Variants in IL1RAPL1 observed in about 807,000 individuals in gnomAD.
The protein encoded by IL1RAPL1 is interleukin-1 receptor accessory protein-like 1.
In IL1RAPL1, 3 loss-of-function variants were observed where a neutral mutation model predicts 48.4. The ratio of observed to expected loss-of-function variants is 0.06; its 90% CI spans 0.03 to 0.16. The LOEUF (loss-of-function observed/expected upper bound fraction) is 0.16, where lower values mean the gene tolerates loss of function less well. Ranked by LOEUF, IL1RAPL1 falls within the 10% of genes least tolerant of loss-of-function variation. The pLI, the probability that IL1RAPL1 is intolerant of heterozygous loss-of-function variation, is 1.00. For synonymous variants in IL1RAPL1, 185 were observed against 187.7 expected (o/e 0.99, Z 0.12); for missense variants, 349 against 530.6 (o/e 0.66, Z 3.36).
chrX:29,289,436 A>G (rs1057111799), intron 3 of IL1RAPL1, among the ~76,000 whole-genome samples: 6 of 111,932 alleles, frequency 5.4e-5, no homozygotes, highest in Admixed American at 9.5e-5. Context: ...ACCTTTGTCT[A>G]TCCCTCTGCC....
At chrX:28,872,803 G>A (rs1262826664) in intron 2 of IL1RAPL1, among the ~76,000 whole-genome samples, 1 of 112,298 alleles carries the variant, frequency 8.9e-6, no homozygotes, top group Non-Finnish European at 1.9e-5. Context: ...GCATTTTGTA[G>A]TAGAGACTTT....
intron 5 of IL1RAPL1, among the ~76,000 whole-genome samples, chrX:29,637,770 C>G (rs1925021414): frequency 9.0e-6 from 1 of 111,599 alleles, no homozygotes; most frequent in Non-Finnish European, 1.9e-5. Flanking sequence ...TTGTATCTCT[C>G]CACAGCACCT....
At chrX:29,889,050 G>A (rs1295878469) in intron 6 of IL1RAPL1, among the ~76,000 whole-genome samples, 1 of 111,546 alleles carries the variant, frequency 9.0e-6, no homozygotes, top group African/African-American at 3.3e-5. Flanking sequence ...TTTTTTAATT[G>A]TAAAAGAAAA....
intron 2 of IL1RAPL1, among the ~76,000 whole-genome samples, chrX:29,081,355 C>T (rs1927840292): frequency 9.1e-6 from 1 of 109,743 alleles, no homozygotes; most frequent in Non-Finnish European, 1.9e-5. Flanking sequence ...CGTGCCCAGA[C>T]ACACACCCAG....
chrX:28,764,809 A>G (rs912091703), intron 1 of IL1RAPL1, among the ~76,000 whole-genome samples: 3 of 109,090 alleles, frequency 2.8e-5, no homozygotes, highest in African/African-American at 1.0e-4. Context: ...ATAAACACAC[A>G]TGCACGCAAA....
chrX:29,514,596 G>T (rs376740131), intron 5 of IL1RAPL1, among the ~76,000 whole-genome samples: 2 of 111,572 alleles, frequency 1.8e-5, no homozygotes, highest in African/African-American at 6.5e-5. Flanking sequence ...TCACAGGTGC[G>T]CACCACCACG....
chrX:29,209,745 T>C (rs1930735514), intron 2 of IL1RAPL1, among the ~76,000 whole-genome samples: 1 of 111,777 alleles, frequency 8.9e-6, no homozygotes, highest in South Asian at 3.8e-4. Context: ...AAAATTTTCC[T>C]GGGATAAATG....
intron 1 of IL1RAPL1, among the ~76,000 whole-genome samples, chrX:28,724,949 G>GTT (rs749264109): frequency 3.7e-4 from 30 of 81,718 alleles, no homozygotes; most frequent in African/African-American, 3.5e-4. Context: ...AACTCAATTT[G>GTT]TTTTTTTTTT....
chrX:29,206,654 T>C (rs747984038), intron 2 of IL1RAPL1, among the ~76,000 whole-genome samples: 1 of 112,082 alleles, frequency 8.9e-6, no homozygotes, highest in East Asian at 2.8e-4. Context: ...GATTATCTCA[T>C]TGCATTTTTA....
At chrX:29,371,540 C>T (rs1933545932) in intron 3 of IL1RAPL1, among the ~76,000 whole-genome samples, 1 of 111,547 alleles carries the variant, frequency 9.0e-6, no homozygotes, top group Non-Finnish European at 1.9e-5. Flanking sequence ...TCCCATCACC[C>T]AGGTAAGTGA....
intron 2 of IL1RAPL1, among the ~76,000 whole-genome samples, chrX:28,985,592 G>T (rs947549208): frequency 9.0e-6 from 1 of 111,419 alleles, no homozygotes; most frequent in Admixed American, 9.5e-5. Flanking sequence ...CTTATTCCGT[G>T]TAGGTGCTGA....
chrX:29,515,714 T>G (rs1352948603), intron 5 of IL1RAPL1, among the ~76,000 whole-genome samples: 1 of 111,816 alleles, frequency 8.9e-6, no homozygotes, highest in Non-Finnish European at 1.9e-5. Context: ...AGCCTCACTC[T>G]GTCTCCCAGG....
intron 6 of IL1RAPL1, among the ~76,000 whole-genome samples, chrX:29,670,082 G>C (rs1926102788): frequency 9.0e-6 from 1 of 111,309 alleles, no homozygotes; most frequent in Non-Finnish European, 1.9e-5. Flanking sequence ...GCCTTTGCTT[G>C]ACAATATAAT....
At chrX:28,965,787 A>G (rs1924904251) in intron 2 of IL1RAPL1, among the ~76,000 whole-genome samples, 1 of 112,173 alleles carries the variant, frequency 8.9e-6, no homozygotes, top group Non-Finnish European at 1.9e-5. Context: ...TTATACCATG[A>G]AATTATTTAG....
At chrX:28,962,954 G>T (rs1924825344) in intron 2 of IL1RAPL1, among the ~76,000 whole-genome samples, 1 of 108,543 alleles carries the variant, frequency 9.2e-6, no homozygotes, top group Non-Finnish European at 1.9e-5. Context: ...CTACTATCAA[G>T]TTTTTATACT....
chrX:29,278,978 G>A (rs1480912190), intron 2 of IL1RAPL1, among the ~76,000 whole-genome samples: 1 of 112,425 alleles, frequency 8.9e-6, no homozygotes, highest in African/African-American at 3.2e-5. Context: ...TTTTCAGCTG[G>A]TTTAGAAACA....
intron 1 of IL1RAPL1, among the ~76,000 whole-genome samples, chrX:28,661,425 C>G (rs1466966118): frequency 9.0e-6 from 1 of 111,287 alleles, no homozygotes; most frequent in African/African-American, 3.3e-5. Flanking sequence ...AATTTTTATT[C>G]TAAATATTTT....
chrX:29,040,069 CAT>C (rs1232977030), intron 2 of IL1RAPL1, among the ~76,000 whole-genome samples: 2 of 111,950 alleles, frequency 1.8e-5, no homozygotes. Flanking sequence ...AAATGAAAAA[CAT>C]TATGGGTTAT....
At chrX:29,564,178 A>G (rs1922326511) in intron 5 of IL1RAPL1, among the ~76,000 whole-genome samples, 1 of 111,943 alleles carries the variant, frequency 8.9e-6, no homozygotes, top group Admixed American at 9.5e-5. Context: ...GCACCTTCAA[A>G]GGTGACCCAG....
Sources: allele counts gnomAD v4.1 joint callset (sites outside exome capture counted in the v4.1 genomes callset), GRCh38; gene constraint gnomAD v4.1.1; transcripts MANE v1.5; gene names NCBI Gene and HGNC (gene_info 2026-07-23, HGNC 2026-07-21).